The following STXBP5L variants were observed in gnomAD, a reference collection of about 807,000 sequenced individuals.
The protein encoded by STXBP5L is syntaxin binding protein 5L.
STXBP5L carries 65 observed loss-of-function variants against 144.5 expected under a neutral mutation model. That is an observed-to-expected ratio of 0.45 (90% CI 0.37 to 0.55). The LOEUF (loss-of-function observed/expected upper bound fraction) is 0.55, where lower values mean the gene tolerates loss of function less well. Among genes scored for constraint, STXBP5L ranks in the 20% least tolerant of loss-of-function variants. STXBP5L has a pLI of 0.00. For synonymous variants in STXBP5L, 505 were observed against 469.6 expected, an observed-to-expected ratio of 1.08 and a Z score of -0.97; for missense variants, 1,298 against 1,405.5, an observed-to-expected ratio of 0.92 and a Z score of 1.22.
At chr3:121,209,495 C>T (rs555974392) in intron 10 of STXBP5L, among the ~76,000 whole-genome samples, 2 of 152,094 alleles carry the variant, frequency 1.3e-5, no homozygotes, top group African/African-American at 2.4e-5. Context: ...AGGTTTGTTA[C>T]ATATGTATAC....
In STXBP5L at chr3:121,032,440, A is replaced by T. The variant is rs141631959; in HGVS notation, c.288-9260A>T. On this transcript the variant is annotated intron_variant, in intron 3 of 26. Coordinates refer to ENST00000471454, the MANE Select transcript of STXBP5L (RefSeq NM_001308330.2). ...TCGTGACCTTATTAGCCACTAGGTA[A>T]TAAATTCATGTGTTTTTCATAAAAA... Among the ~76,000 whole-genome samples, 1,190 of 152,284 alleles carry T rather than the reference A, an allele frequency of 7.8e-3. 11 individuals carry two copies. The highest frequency in any genetic ancestry group is 0.011 in the Non-Finnish European group (726 of 68,016).
At chr3:121,034,571 T>A (rs1946623790) in intron 3 of STXBP5L, among the ~76,000 whole-genome samples, 1 of 151,908 alleles carries the variant, frequency 6.6e-6, no homozygotes, top group South Asian at 2.1e-4. Context: ...CATCCATCCA[T>A]CCATCTATCT....
chr3:121,404,896 A>C (rs2046961835), intron 22 of STXBP5L, among the ~76,000 whole-genome samples: 1 of 152,114 alleles, frequency 6.6e-6, no homozygotes, highest in Non-Finnish European at 1.5e-5. Flanking sequence ...AAACAGCAGA[A>C]ATTTATTTTC....
intron 3 of STXBP5L, among the ~76,000 whole-genome samples, chr3:120,972,271 T>C (rs1940359990): frequency 6.6e-6 from 1 of 152,076 alleles, no homozygotes; most frequent in African/African-American, 2.4e-5. Flanking sequence ...GTAGTTCTCC[T>C]TGTAGAGATC....
chr3:121,112,433 C>T (rs1405671126), intron 5 of STXBP5L, among the ~76,000 whole-genome samples: 1 of 152,160 alleles, frequency 6.6e-6, no homozygotes, highest in Non-Finnish European at 1.5e-5. Flanking sequence ...GCCGTTGCTC[C>T]ACTCTGCTTT....
chr3:121,282,416 A>G, intron 19 of STXBP5L: 1 of 1,399,688 alleles, frequency 7.1e-7, no homozygotes, highest in Non-Finnish European at 9.9e-7. Flanking sequence ...GTGCTCAGTA[A>G]TGTGTTTCTT....
rs377761191 is a variant in STXBP5L, at chr3:120,956,397, A to C, written c.287+1360A>C. On this transcript the variant is annotated intron_variant, in intron 3 of 26. Coordinates refer to ENST00000471454, the MANE Select transcript of STXBP5L (RefSeq NM_001308330.2). Reference sequence around the variant, plus strand: ...CTGTTTCTATAATTTTTACTACTCTAGGTAACTTATATAAGTGAAAGCATA... The same window carrying C: ...CTGTTTCTATAATTTTTACTACTCTCGGTAACTTATATAAGTGAAAGCATA... 1.1e-4 allele frequency among the ~76,000 whole-genome samples: 17 copies of C among 151,936 alleles called. No homozygotes were observed. In the East Asian group the frequency reaches 1.7e-3, roughly 16 times the overall value.
intron 7 of STXBP5L, among the ~76,000 whole-genome samples, chr3:121,127,677 A>G (rs552623279): frequency 2.8e-4 from 43 of 151,934 alleles, no homozygotes; most frequent in Non-Finnish European, 5.6e-4. Flanking sequence ...CAAAGATTCT[A>G]TTTCTGAATA....
At chr3:121,135,362 T>C (rs2045199545) in intron 7 of STXBP5L, among the ~76,000 whole-genome samples, 1 of 152,208 alleles carries the variant, frequency 6.6e-6, no homozygotes, top group African/African-American at 2.4e-5. Context: ...GTAGGTTGCC[T>C]GTGAGGAGAC....
chr3:121,051,531 A>T (rs1466389992), intron 5 of STXBP5L, among the ~76,000 whole-genome samples: 11 of 152,212 alleles, frequency 7.2e-5, no homozygotes, highest in Non-Finnish European at 1.5e-4. Context: ...ATGTTCTTTG[A>T]AACCAACGAA....
intron 7 of STXBP5L, among the ~76,000 whole-genome samples, chr3:121,146,072 G>A (rs374882627): frequency 1.5e-4 from 23 of 152,020 alleles, no homozygotes; most frequent in African/African-American, 5.5e-4. Context: ...CACTTCTCTG[G>A]TTCTCAGGCC....
At chr3:121,306,037 AG>A (rs1421799284) in intron 19 of STXBP5L, among the ~76,000 whole-genome samples, 10 of 152,252 alleles carry the variant, frequency 6.6e-5, no homozygotes, top group Non-Finnish European at 1.5e-4. Context: ...ATAGACTTCC[AG>A]CTGGCAGCCT....
chr3:121,410,324 T>C (rs1411314288), intron 23 of STXBP5L, among the ~76,000 whole-genome samples: 1 of 152,028 alleles, frequency 6.6e-6, no homozygotes, highest in Non-Finnish European at 1.5e-5. Context: ...TTTGATATTG[T>C]GTCATAGTAG....
chr3:120,987,405 G>T (rs1576581693), intron 3 of STXBP5L, among the ~76,000 whole-genome samples: 1 of 151,900 alleles, frequency 6.6e-6, no homozygotes, highest in East Asian at 1.9e-4. Context: ...TTTGCCATCT[G>T]TATAATATCT....
At chr3:121,319,504 T>C (rs923050493) in intron 20 of STXBP5L, among the ~76,000 whole-genome samples, 6 of 152,162 alleles carry the variant, frequency 3.9e-5, no homozygotes, top group African/African-American at 1.4e-4. Context: ...TGTAAATTTT[T>C]CTCTTAGTCA....
At chr3:121,199,578 T>C (rs2048057865) in intron 9 of STXBP5L, among the ~76,000 whole-genome samples, 1 of 152,226 alleles carries the variant, frequency 6.6e-6, no homozygotes, top group Admixed American at 6.5e-5. Context: ...AAGGGAATGC[T>C]TCCAGCTTTT....
At chr3:121,205,773 G>T in intron 9 of STXBP5L, 150 bp from the exon 10 acceptor site, 1 of 376,036 alleles carries the variant, frequency 2.7e-6, no homozygotes, top group South Asian at 8.5e-5. Flanking sequence ...CAAAAATATT[G>T]GGATTCATAG....
At chr3:121,324,479 T>C in intron 20 of STXBP5L, 3 of 680,330 alleles carry the variant, frequency 4.4e-6, no homozygotes, top group Non-Finnish European at 7.9e-6. Context: ...TAGTTTTATA[T>C]TCCCTTCCTT....
chr3:121,130,594 G>A (rs1268367185), intron 7 of STXBP5L, among the ~76,000 whole-genome samples: 3 of 152,060 alleles, frequency 2.0e-5, no homozygotes, highest in Non-Finnish European at 4.4e-5. Flanking sequence ...CAGAGGATTG[G>A]TTGCCATTAG....
Sources: gnomAD v4.1 joint callset for allele counts (sites outside exome capture counted in the v4.1 genomes callset) on GRCh38, gnomAD v4.1.1 for gene constraint, MANE v1.5 for transcripts, NCBI Gene and HGNC (gene_info 2026-07-23, HGNC 2026-07-21) for gene names.